The following SPATA16 variants were observed in gnomAD, a reference collection of about 807,000 sequenced individuals.
The protein encoded by SPATA16 is spermatogenesis associated 16.
A neutral mutation model predicts 63.3 loss-of-function variants in SPATA16; 36 were observed. That is an observed-to-expected ratio of 0.57 (90% CI 0.44 to 0.75). The LOEUF is 0.75. SPATA16 is among the 30% of genes least tolerant of loss of function. The pLI is 0.00. For missense variants in SPATA16, 646 were observed against 679.3 expected (o/e 0.95, Z 0.54); for synonymous variants, 203 against 216.7 (o/e 0.94, Z 0.56).
At chr3:172,990,937 T>A (rs2108260572) in intron 4 of SPATA16, among the ~76,000 whole-genome samples, 1 of 152,154 alleles carries the variant, frequency 6.6e-6, no homozygotes, top group Admixed American at 6.5e-5. Flanking sequence ...TAAAAATGTA[T>A]GAACTAAGAG....
chr3:173,004,018 T>C (rs963590148), intron 4 of SPATA16, among the ~76,000 whole-genome samples: 4 of 152,176 alleles, frequency 2.6e-5, no homozygotes, highest in African/African-American at 9.7e-5. Context: ...AACACATGCC[T>C]CTCTGGCTTG....
At chr3:173,013,979 GA>G (rs990699877) in intron 4 of SPATA16, among the ~76,000 whole-genome samples, 4 of 152,176 alleles carry the variant, frequency 2.6e-5, no homozygotes, top group African/African-American at 9.7e-5. Flanking sequence ...CCTAATACAG[GA>G]AAGTTTATTT....
chr3:173,084,516 A>C (rs1402351865), intron 2 of SPATA16, among the ~76,000 whole-genome samples: 2 of 152,130 alleles, frequency 1.3e-5, no homozygotes, highest in Admixed American at 1.3e-4. Context: ...GAAACTCTTT[A>C]GTTTAATTAG....
At chr3:173,075,008 A>AAAAAAAAAAAAAG (rs1560114977) in intron 2 of SPATA16, among the ~76,000 whole-genome samples, 6 of 146,188 alleles carry the variant, frequency 4.1e-5, no homozygotes, top group South Asian at 2.1e-4. Context: ...AAAAAAAAAA[A>AAAAAAAAAAAAAG]AAAAGGAAAG....
intron 2 of SPATA16, among the ~76,000 whole-genome samples, chr3:173,088,072 TTCTTTC>T (rs1737121586): frequency 1.6e-5 from 2 of 128,108 alleles, no homozygotes; most frequent in Admixed American, 1.6e-4. Flanking sequence ...CTTTCTTTCT[TTCTTTC>T]TGTCTTTTCT....
chr3:173,027,000 A>G (rs1407750298), intron 3 of SPATA16, among the ~76,000 whole-genome samples: 1 of 151,912 alleles, frequency 6.6e-6, no homozygotes, highest in East Asian at 1.9e-4. Flanking sequence ...AGAAAACTTT[A>G]AGATCTATTG....
At chr3:172,990,258 T>C (rs968177609) in intron 4 of SPATA16, among the ~76,000 whole-genome samples, 1 of 152,228 alleles carries the variant, frequency 6.6e-6, no homozygotes, top group African/African-American at 2.4e-5. Context: ...CTCATTGCCA[T>C]CTATATCAGC....
chr3:173,096,217 CACTA>C (rs1209038829), intron 2 of SPATA16, among the ~76,000 whole-genome samples: 1 of 151,962 alleles, frequency 6.6e-6, no homozygotes, highest in Non-Finnish European at 1.5e-5. Flanking sequence ...TCAGCGCTGG[CACTA>C]TCATAGGATG....
rs549519179 is a variant in SPATA16 at position 172,987,078 on chromosome 3, A to G, written c.849-10026T>C. Among the ~76,000 whole-genome samples, 142 of 152,304 alleles carry G rather than the reference A, an allele frequency of 9.3e-4. 1 individual carries two copies. The highest frequency in any genetic ancestry group is 8.3e-4 in the South Asian group (4 of 4,824). Reference sequence around the variant, plus strand: ...AGGCATTGAAGAAGTTATTGTTCCTATTAATAGTCCTATTAATCTTTTGAG... The same window carrying G: ...AGGCATTGAAGAAGTTATTGTTCCTGTTAATAGTCCTATTAATCTTTTGAG... On this transcript the variant is annotated intron_variant, in intron 4 of 10. Coordinates refer to ENST00000351008, the MANE Select transcript of SPATA16 (RefSeq NM_031955.6).
intron 2 of SPATA16, among the ~76,000 whole-genome samples, chr3:173,099,578 A>G (rs762503565): frequency 3.3e-5 from 5 of 152,096 alleles, no homozygotes; most frequent in African/African-American, 4.8e-5. Context: ...ATTTGGAGGG[A>G]AATTTTGTGG....
At chr3:172,975,091 TA>T (rs1734123043) in intron 5 of SPATA16, among the ~76,000 whole-genome samples, 1 of 152,130 alleles carries the variant, frequency 6.6e-6, no homozygotes, top group Non-Finnish European at 1.5e-5. Flanking sequence ...GTAAATAAAA[TA>T]GGGATATTAA....
intron 2 of SPATA16, among the ~76,000 whole-genome samples, chr3:173,110,928 C>A (rs1281610576): frequency 2.0e-5 from 3 of 152,294 alleles, no homozygotes; most frequent in East Asian, 3.9e-4. Flanking sequence ...CATTTGGGAA[C>A]TTATTTGAAA....
intron 4 of SPATA16, among the ~76,000 whole-genome samples, chr3:172,998,651 A>G (rs1734744267): frequency 6.6e-6 from 1 of 152,184 alleles, no homozygotes; most frequent in South Asian, 2.1e-4. Context: ...GTTTCTCACC[A>G]TTAAGTGCAA....
At chr3:173,054,337 A>G (rs1439022663) in intron 2 of SPATA16, among the ~76,000 whole-genome samples, 1 of 152,244 alleles carries the variant, frequency 6.6e-6, no homozygotes, top group Non-Finnish European at 1.5e-5. Context: ...ATGCACATGT[A>G]TGTTTATTAT....
intron 2 of SPATA16, among the ~76,000 whole-genome samples, chr3:173,109,169 C>T (rs552298000): frequency 3.7e-4 from 57 of 152,250 alleles, no homozygotes; most frequent in African/African-American, 1.3e-3. Flanking sequence ...CTGTTCTCCC[C>T]GAGATGGTCA....
intron 6 of SPATA16, among the ~76,000 whole-genome samples, chr3:172,952,572 A>G (rs1387921386): frequency 6.6e-6 from 1 of 152,024 alleles, no homozygotes; most frequent in Non-Finnish European, 1.5e-5. Context: ...TTCCTTGACC[A>G]TTACTCAGTC....
At position 173,117,353 on chromosome 3, in the gene SPATA16, A is replaced by G. The variant is rs768500873; in HGVS notation, c.379T>C (p.Leu127=). The change falls in exon 2 of 11, where the codon TTG becomes CTG. Residue 127 remains leucine (L), a synonymous_variant. Coordinates refer to ENST00000351008, the MANE Select transcript of SPATA16 (RefSeq NM_031955.6). Reference sequence around the variant, plus strand: ...ACACCCATTTCATCAATGTAGACCAACTTCATTTCCACATCCATTATGTTC... The same window carrying G: ...ACACCCATTTCATCAATGTAGACCAGCTTCATTTCCACATCCATTATGTTC... ...LKNIMDVEMK[L]VYIDEMGVRY... is the part of the protein sequence containing the mutation. 1.2e-6 allele frequency: 2 copies of G among 1,614,044 alleles called. No homozygotes were observed. The highest frequency in any genetic ancestry group is 1.7e-6 in the Non-Finnish European group (2 of 1,180,002).
chr3:172,962,452 C>G (rs1460446586), intron 5 of SPATA16, among the ~76,000 whole-genome samples: 1 of 151,854 alleles, frequency 6.6e-6, no homozygotes, highest in African/African-American at 2.4e-5. Context: ...GTTATAGTAG[C>G]CTACCCTAAC....
intron 2 of SPATA16, among the ~76,000 whole-genome samples, chr3:173,104,696 A>C (rs989406793): frequency 1.3e-5 from 2 of 152,194 alleles, no homozygotes; most frequent in Non-Finnish European, 2.9e-5. Context: ...ACATCTCTGC[A>C]TGAGATTTGG....
Sources: allele counts gnomAD v4.1 joint callset (sites outside exome capture counted in the v4.1 genomes callset), GRCh38; gene constraint gnomAD v4.1.1; transcripts MANE v1.5; gene names NCBI Gene and HGNC (gene_info 2026-07-23, HGNC 2026-07-21).